Variants in KLHL33 observed in about 807,000 individuals in gnomAD.
KLHL33 encodes kelch-like protein 33.
KLHL33 carries 46 observed loss-of-function variants against 60.8 expected under a neutral mutation model. That is an observed-to-expected ratio of 0.76 (90% CI 0.60 to 0.97). The LOEUF is 0.97. Among genes scored for constraint, KLHL33 ranks in the 50% least tolerant of loss-of-function variants. The pLI is 0.00. For synonymous variants in KLHL33, 434 were observed against 432.2 expected (o/e 1.00, Z -0.05); for missense variants, 1,055 against 1,000.0 (o/e 1.05, Z -0.74).
In KLHL33 at chr14:20,427,101, T is replaced by A. The variant is rs1880307742; in HGVS notation, c.*1748A>T. 2 of 149,112 alleles carry A rather than the reference T, an allele frequency of 1.3e-5. 1 individual carries two copies. The highest frequency in any genetic ancestry group is 5.0e-5 in the African/African-American group (2 of 40,236). 9.2% of individuals were successfully genotyped at this position (149,112 alleles called of 1,614,324 possible). A position where few individuals can be genotyped will look rare whatever the true frequency, so the allele number is the denominator to read the frequency against. ...TAATGCTAAATGACGAGTTAATGGG[T>A]GCAGCACACCAGCATGGCACATGTA... On this transcript the variant is annotated 3_prime_UTR_variant, in exon 5 of 5. Coordinates refer to ENST00000636854, the MANE Select transcript of KLHL33 (RefSeq NM_001365790.2).
At chr14:20,434,268 C>T (rs1194210436) in intron 2 of KLHL33, among the ~76,000 whole-genome samples, 1 of 152,050 alleles carries the variant, frequency 6.6e-6, no homozygotes, top group Non-Finnish European at 1.5e-5. Context: ...ATGGCCAGGC[C>T]GGGTGCAGTG....
intron 2 of KLHL33, among the ~76,000 whole-genome samples, chr14:20,433,036 T>C (rs1880572579): frequency 6.6e-6 from 1 of 152,184 alleles, no homozygotes; most frequent in Non-Finnish European, 1.5e-5. Context: ...ATTATGGTTA[T>C]GAGAAAATGT....
rs1215590321 is a variant in KLHL33 at position 20,430,088 on chromosome 14, A to G, written c.1380T>C (p.Ala460=). The G allele has an allele frequency of 6.4e-7, 1 of 1,551,726 alleles. No individual in the cohort carries two copies. The highest frequency in any genetic ancestry group is 2.0e-5 in the Admixed American group (1 of 51,014). ...TCCGTCTCTCTTGGCCTGGAACATC[A>G]GCCTCTACCATCAGCTGGTGCAACA... is the stretch of plus-strand genomic sequence containing the variant. ...PDLLHQLMVE[A]DVPGQERRRE... The change falls in exon 3 of 5, where the codon GCT becomes GCC. Residue 460 remains alanine (A), a synonymous_variant. Coordinates refer to ENST00000636854, the MANE Select transcript of KLHL33 (RefSeq NM_001365790.2).
At position 20,428,668 on chromosome 14, in the gene KLHL33, CT is replaced by C; in HGVS notation, c.*180del. 3.2e-6 allele frequency: 2 copies of C among 629,214 alleles called. No homozygotes were observed. The highest frequency in any genetic ancestry group is 3.1e-5 in the Admixed American group (1 of 32,538). The allele number at this position is 629,214 out of a possible 1,614,324, so 39.0% of individuals were successfully genotyped here. A position where few individuals can be genotyped will look rare whatever the true frequency, so the allele number is the denominator to read the frequency against. ...CCTCCCCTTTCCCTATATGTTTTCCCTAGGAGTTCTGGAACCACCATTTCCT... is the reference window on the plus strand; with the variant it reads ...CCTCCCCTTTCCCTATATGTTTTCCCAGGAGTTCTGGAACCACCATTTCCT... On this transcript the variant is annotated 3_prime_UTR_variant, in exon 5 of 5. Transcript: ENST00000636854.
chr14:20,431,447 T>A (rs144160832), intron 2 of KLHL33, among the ~76,000 whole-genome samples: 109 of 152,308 alleles, frequency 7.2e-4, no homozygotes, highest in African/African-American at 2.5e-3. Context: ...AGGAAACTGG[T>A]TGGGTGTCGT....
In KLHL33 at chr14:20,427,047, G is replaced by C. The variant is rs887997260; in HGVS notation, c.*1802C>G. 2.0e-5 allele frequency: 2 copies of C among 98,728 alleles called. No homozygotes were observed. Among genetic ancestry groups the C allele is most frequent in the South Asian group, 4.1e-4 (1 of 2,458 alleles). 6.1% of individuals were successfully genotyped at this position (98,728 alleles called of 1,614,324 possible). A position where few individuals can be genotyped will look rare whatever the true frequency, so the allele number is the denominator to read the frequency against. Reference sequence around the variant, plus strand: ...GGAGAATGTTGTGGGGTGGGGGGAGGGGGGAAGGATAGCATTAGGAGATAT... The same window carrying C: ...GGAGAATGTTGTGGGGTGGGGGGAGCGGGGAAGGATAGCATTAGGAGATAT... On this transcript the variant is annotated 3_prime_UTR_variant, in exon 5 of 5. Coordinates refer to ENST00000636854, the MANE Select transcript of KLHL33 (RefSeq NM_001365790.2).
Position 20,429,095 on chromosome 14 carries a change from G to A in KLHL33, c.2148C>T (p.Pro716=). Reference sequence around the variant, plus strand: ...CACTTGCAGCCCCCACATGGGGGGAGGGTAGGGGTGCCAGGTGAGTCCAGC... The same window carrying A: ...CACTTGCAGCCCCCACATGGGGGGAAGGTAGGGGTGCCAGGTGAGTCCAGC... ...TDSWTHLAPL[P]SPHVGAASAV... The change falls in exon 5 of 5, where the codon CCC becomes CCT. Residue 716 remains proline, a synonymous_variant. Transcript: ENST00000636854. 1 of 1,551,712 alleles carries A rather than the reference G, an allele frequency of 6.4e-7. No individual in the cohort carries two copies. Among genetic ancestry groups the A allele is most frequent in the South Asian group, 1.2e-5 (1 of 84,064 alleles).
Position 20,430,195 on chromosome 14 carries a change from A to G in KLHL33, c.1273T>C (p.Cys425Arg). 6.4e-7 allele frequency: 1 copy of G among 1,551,526 alleles called. No individual in the cohort carries two copies. Among genetic ancestry groups the G allele is most frequent in the Non-Finnish European group, 8.7e-7 (1 of 1,146,976 alleles). The change falls in exon 3 of 5, where the codon TGT becomes CGT. Residue 425 changes from cysteine to arginine, a missense_variant. Physicochemically the swap from Cys to Arg is radical, Grantham distance 180. Coordinates refer to ENST00000636854, the MANE Select transcript of KLHL33 (RefSeq NM_001365790.2). Reference protein sequence around the residue: ...QESEAKALLRCVRFGRMSTRE... With the variant: ...QESEAKALLRRVRFGRMSTRE... Reference sequence around the variant, plus strand: ...GTGGACATGCGGCCAAAGCGGACACATCGCAGCAGGGCCTTGGCCTCTGAC... The same window carrying G: ...GTGGACATGCGGCCAAAGCGGACACGTCGCAGCAGGGCCTTGGCCTCTGAC...
Position 20,427,966 on chromosome 14 carries a change from C to G in KLHL33, c.*883G>C, listed in dbSNP as rs1008503238. ...TGTCTGCTTCTCACTCTTCTCTCCC[C>G]CCACATCCTCTCACCACTTGAGACC... On this transcript the variant is annotated 3_prime_UTR_variant, in exon 5 of 5. Transcript: ENST00000636854. 1 of 152,264 alleles carries G rather than the reference C, an allele frequency of 6.6e-6. No homozygotes were observed. 9.4% of individuals were successfully genotyped at this position (152,264 alleles called of 1,614,324 possible).
chr14:20,435,556 C>T lies in KLHL33; in HGVS notation c.256G>A (p.Glu86Lys). 3 of 1,234,842 alleles carry T rather than the reference C, an allele frequency of 2.4e-6. No homozygotes were observed. Among genetic ancestry groups the T allele is most frequent in the Non-Finnish European group, 3.0e-6 (3 of 988,500 alleles). The allele number at this position is 1,234,842 out of a possible 1,614,324, so 76.5% of individuals were successfully genotyped here. ...EEEEEDEDAA[E>K]PEWLRSEEHP... Reference sequence around the variant, plus strand: ...TCCTCGCTGCGCAGCCACTCGGGCTCTGCCGCATCTTCATCTTCTTCCTCT... The same window carrying T: ...TCCTCGCTGCGCAGCCACTCGGGCTTTGCCGCATCTTCATCTTCTTCCTCT... The change falls in exon 2 of 5, where the codon GAG (glutamate) becomes AAG (lysine). Residue 86 changes from glutamate to lysine, a missense_variant. Physicochemically the swap from Glu to Lys is moderately conservative, Grantham distance 56. Transcript: ENST00000636854.
At chr14:20,433,476 A>G (rs1880587361) in intron 2 of KLHL33, among the ~76,000 whole-genome samples, 1 of 152,204 alleles carries the variant, frequency 6.6e-6, no homozygotes, top group Non-Finnish European at 1.5e-5. Context: ...GTAAACATCA[A>G]TGACAGATTT....
In KLHL33 at chr14:20,435,149, C is replaced by T; in HGVS notation, c.663G>A (p.Arg221=). ...GGAGCTCGATTCCGCGCAGGTTCTC[C>T]CTCAGCTCCTCTGCCTGGCTGGGCT... ...VKKPSQAEEL[R]ENLRGIELLY... is the part of the protein sequence containing the mutation. The change falls in exon 2 of 5, where the codon AGG becomes AGA. Residue 221 remains arginine (R), a synonymous_variant. Coordinates refer to ENST00000636854, the MANE Select transcript of KLHL33 (RefSeq NM_001365790.2). The T allele has an allele frequency of 1.6e-6, 2 of 1,234,442 alleles. No homozygotes were observed. The highest frequency in any genetic ancestry group is 4.1e-5 in the South Asian group (1 of 24,420). 76.5% of individuals were successfully genotyped at this position (1,234,442 alleles called of 1,614,324 possible).
chr14:20,429,088 G>A lies in KLHL33; in HGVS notation c.2155C>T (p.His719Tyr), dbSNP rs372157970. Residue 719 changes from histidine to tyrosine, a missense_variant, in exon 5 of 5, where the codon CAT (histidine) becomes TAT (tyrosine). Coordinates refer to ENST00000636854, the MANE Select transcript of KLHL33 (RefSeq NM_001365790.2). ...AGCACAGCACTTGCAGCCCCCACATGGGGGGAGGGTAGGGGTGCCAGGTGA... is the reference window on the plus strand; with the variant it reads ...AGCACAGCACTTGCAGCCCCCACATAGGGGGAGGGTAGGGGTGCCAGGTGA... ...WTHLAPLPSP[H>Y]VGAASAVLQG... 18 of 1,551,640 alleles carry A rather than the reference G, an allele frequency of 1.2e-5. No individual in the cohort carries two copies. The highest frequency in any genetic ancestry group is 9.8e-5 in the East Asian group (4 of 40,922).
At position 20,429,174 on chromosome 14, in the gene KLHL33, A is replaced by G. The variant is rs1880398148; in HGVS notation, c.2069T>C (p.Leu690Pro). ...GCTTAGCAGGTCCTCAGTCTCACCC[A>G]GCCCACCTGCCACATACAACCTCCC... ...LGGRLYVAGG[L>P]GETEDLLSFE... is the part of the protein sequence containing the mutation. The change falls in exon 5 of 5, where the codon CTG becomes CCG. Residue 690 changes from leucine (L) to proline (P), a missense_variant. By Grantham distance (98) the Leu-to-Pro change is moderately conservative. Transcript: ENST00000636854. The G allele has an allele frequency of 6.4e-7, 1 of 1,551,582 alleles. No individual in the cohort carries two copies. The highest frequency in any genetic ancestry group is 8.7e-7 in the Non-Finnish European group (1 of 1,146,988).
Position 20,430,410 on chromosome 14 carries a change from C to T in KLHL33, c.1058G>A (p.Arg353Lys), listed in dbSNP as rs1050579751. Reference sequence around the variant, plus strand: ...GTAGTGACGGGCTTTGCTCCAGAGCCTCTCCAACCCAGGGGCTTCCGCCAT... The same window carrying T: ...GTAGTGACGGGCTTTGCTCCAGAGCTTCTCCAACCCAGGGGCTTCCGCCAT... ...FPMAEAPGLE[R>K]LWSKARHYLL... The change falls in exon 3 of 5, where the codon AGG (arginine) becomes AAG (lysine). Residue 353 changes from arginine to lysine, a missense_variant. Transcript: ENST00000636854. 3 of 1,551,804 alleles carry T rather than the reference C, an allele frequency of 1.9e-6. No individual in the cohort carries two copies. Among genetic ancestry groups the T allele is most frequent in the Non-Finnish European group, 2.6e-6 (3 of 1,147,026 alleles).
In KLHL33 at chr14:20,430,607, G is replaced by A. The variant is rs1454889206; in HGVS notation, c.861C>T (p.Asp287=). ...AAGCAAAAGAGACGAGGAGTCGCAG[G>A]TCCTGGGTGGAGATCGTCCGCAGAG... ...EVSLRTISTQ[D]LRLLVSFAYS... is the part of the protein sequence containing the mutation. The change falls in exon 3 of 5, where the codon GAC becomes GAT. Residue 287 remains aspartate, a synonymous_variant. Coordinates refer to ENST00000636854, the MANE Select transcript of KLHL33 (RefSeq NM_001365790.2). 1 of 1,536,672 alleles carries A rather than the reference G, an allele frequency of 6.5e-7. No homozygotes were observed. The highest frequency in any genetic ancestry group is 2.4e-5 in the East Asian group (1 of 40,930).
rs1880426165 is a variant in KLHL33 at position 20,429,679 on chromosome 14, GT to G, written c.1674-11del. 1 of 1,549,952 alleles carries G rather than the reference GT, an allele frequency of 6.5e-7. No homozygotes were observed. Among genetic ancestry groups the G allele is most frequent in the Non-Finnish European group, 8.7e-7 (1 of 1,146,304 alleles). On this transcript the variant is annotated splice_polypyrimidine_tract_variant and intron_variant, in intron 3 of 4. Transcript: ENST00000636854. ...TTGACTGGGCTCCCACCTGGACACA[GT>G]AGGACAAGAGATTGGAAGAGGGACT...
Position 20,430,283 on chromosome 14 carries a change from C to T in KLHL33, c.1185G>A (p.Gln395=), listed in dbSNP as rs11160645. The change falls in exon 3 of 5, where the codon CAG becomes CAA. Residue 395 remains glutamine (Q), a synonymous_variant. Coordinates refer to ENST00000636854, the MANE Select transcript of KLHL33 (RefSeq NM_001365790.2). The part of the protein sequence containing the change: ...ELLDSDELHV[Q]EEFEAFVAAR... ...CAGCCACAAAGGCCTCAAACTCCTC[C>T]TGCACATGGAGCTCATCACTATCCA... The T allele has an allele frequency of 0.12, 183,252 of 1,551,718 alleles. 11,211 individuals carry two copies. The highest frequency in any genetic ancestry group is 0.18 in the Admixed American group (9,066 of 51,000).
Position 20,430,622 on chromosome 14 carries a change from C to T in KLHL33, c.846G>A (p.Thr282=), listed in dbSNP as rs373679520. The T allele has an allele frequency of 5.3e-4, 816 of 1,536,038 alleles. 5 individuals carry two copies. The highest frequency in any genetic ancestry group is 2.0e-4 in the Middle Eastern group (1 of 4,998). The change falls in exon 3 of 5, where the codon ACG becomes ACA. Residue 282 remains threonine (T), a synonymous_variant. Coordinates refer to ENST00000636854, the MANE Select transcript of KLHL33 (RefSeq NM_001365790.2). The part of the protein sequence containing the change: ...ESQGTEVSLR[T]ISTQDLRLLV... ...GGAGTCGCAGGTCCTGGGTGGAGAT[C>T]GTCCGCAGAGATACCTCTGTGCCCT...
Sources: gnomAD v4.1 joint callset for allele counts (sites outside exome capture counted in the v4.1 genomes callset) on GRCh38, gnomAD v4.1.1 for gene constraint, MANE v1.5 for transcripts, NCBI Gene and HGNC (gene_info 2026-07-23, HGNC 2026-07-21) for gene names.